GDI2: variants seen among roughly 807,000 people sequenced by gnomAD.
GDI2 encodes the protein rab GDP dissociation inhibitor beta.
Under a neutral mutation model 54.2 loss-of-function variants are expected in GDI2, and 22 were observed. That is an observed-to-expected ratio of 0.41 (90% CI 0.29 to 0.58). GDI2 has a LOEUF of 0.58. Ranked by LOEUF, GDI2 falls within the 20% of genes least tolerant of loss-of-function variation. GDI2 has a pLI of 0.35. For synonymous variants in GDI2, 177 were observed against 182.1 expected (o/e 0.97, Z 0.23); for missense variants, 422 against 546.0 (o/e 0.77, Z 2.26).
Position 5,774,859 on chromosome 10 carries a change from A to T in GDI2, c.720-918T>A, listed in dbSNP as rs1200723605. On this transcript the variant is annotated intron_variant, in intron 6 of 10. Transcript: ENST00000380191. This position sits in a 1 kb window ranked among gnomAD's most constrained non-coding sequence, Gnocchi z 4.8. ...CGCGGGACTATCCACATCAGAGGCA[A>T]ATCTGCCATTTCTCTGGATTCACAC... Among the ~76,000 whole-genome samples the T allele has an allele frequency of 1.3e-5, 2 of 152,172 alleles. No homozygotes were observed. The highest frequency in any genetic ancestry group is 2.9e-5 in the Non-Finnish European group (2 of 68,028).
intron 6 of GDI2, among the ~76,000 whole-genome samples, chr10:5,782,440 C>T (rs1455544602): frequency 6.6e-6 from 1 of 152,198 alleles, no homozygotes; most frequent in Non-Finnish European, 1.5e-5. Flanking sequence ...CTTCTATCTG[C>T]CACATTAGTC....
intron 1 of GDI2, among the ~76,000 whole-genome samples, chr10:5,807,760 T>C (rs1325572149): frequency 2.6e-5 from 4 of 152,216 alleles, no homozygotes; most frequent in African/African-American, 9.6e-5. Context: ...TGACGTTCTC[T>C]TCCTTCAGCA....
At chr10:5,804,738 T>G (rs994166184) in intron 1 of GDI2, among the ~76,000 whole-genome samples, 14 of 152,298 alleles carry the variant, frequency 9.2e-5, no homozygotes, top group African/African-American at 3.4e-4. Flanking sequence ...ATGTACATAC[T>G]GTTTATGGCT....
chr10:5,779,774 G>C (rs1840710847), intron 6 of GDI2, among the ~76,000 whole-genome samples: 1 of 150,750 alleles, frequency 6.6e-6, no homozygotes, highest in Non-Finnish European at 1.5e-5. Flanking sequence ...GCTCACTGCA[G>C]TCTCAACCTC....
chr10:5,794,253 A>G (rs1415764897), intron 4 of GDI2, among the ~76,000 whole-genome samples: 1 of 141,222 alleles, frequency 7.1e-6, no homozygotes, highest in African/African-American at 2.6e-5. Context: ...AGGAGTTCCT[A>G]AAATCAAAGA....
rs753920936 is a variant in GDI2 at position 5,766,338 on chromosome 10, C to T, written c.1137-43G>A. The T allele has an allele frequency of 3.2e-6, 5 of 1,543,078 alleles. No homozygotes were observed. Among genetic ancestry groups the T allele is most frequent in the Non-Finnish European group, 4.5e-6 (5 of 1,115,216 alleles). On this transcript the variant is annotated intron_variant, in intron 9 of 10. Coordinates refer to ENST00000380191, the MANE Select transcript of GDI2 (RefSeq NM_001494.4). The surrounding 1 kb of genome is among the most constrained non-coding windows in gnomAD (Gnocchi z 5.8). ...TCAGTCAGGTGAGCTGGTCCCACACCTGACCATGGCTCTGCCTGAGGTCAA... is the reference window on the plus strand; with the variant it reads ...TCAGTCAGGTGAGCTGGTCCCACACTTGACCATGGCTCTGCCTGAGGTCAA...
At chr10:5,786,849 A>ATGC (rs1275609581) in intron 4 of GDI2, among the ~76,000 whole-genome samples, 5 of 152,240 alleles carry the variant, frequency 3.3e-5, no homozygotes, top group Non-Finnish European at 7.3e-5. Context: ...TAAAATTTCG[A>ATGC]TGCTGCTGCT....
chr10:5,782,367 G>A lies in GDI2; in HGVS notation c.719+2775C>T, dbSNP rs141891259. Among the ~76,000 whole-genome samples the A allele has an allele frequency of 1.1e-3, 164 of 152,284 alleles. 3 individuals carry two copies. The East Asian group carries it at 0.023, about 21-fold the overall frequency. On this transcript the variant is annotated intron_variant, in intron 6 of 10. Coordinates refer to ENST00000380191, the MANE Select transcript of GDI2 (RefSeq NM_001494.4). The stretch of plus-strand genomic sequence containing the variant: ...GCAACGAGAACTCTCATACACTGCT[G>A]AGTGTATACACAATGACACAACCAC...
intron 2 of GDI2, 85 bp downstream of exon 2, chr10:5,800,513 G>T: frequency 2.6e-6 from 2 of 767,032 alleles, no homozygotes; most frequent in South Asian, 2.8e-5. Flanking sequence ...ACAAAATTAA[G>T]ACCATCTCTA....
intron 3 of GDI2, 60 bp downstream of exon 3, chr10:5,796,703 G>C (rs898514343): frequency 1.2e-6 from 1 of 858,550 alleles, no homozygotes; most frequent in Non-Finnish European, 2.0e-6. Context: ...TCAAAAGTTA[G>C]TTTTGATATT....
chr10:5,798,788 CAAG>C (rs1372034262), intron 2 of GDI2, among the ~76,000 whole-genome samples: 5 of 151,912 alleles, frequency 3.3e-5, no homozygotes, highest in Middle Eastern at 3.4e-3. Flanking sequence ...GCATGGCCAA[CAAG>C]AAGAAATCCC....
intron 1 of GDI2, among the ~76,000 whole-genome samples, chr10:5,807,876 T>C (rs188008417): frequency 1.3e-5 from 2 of 152,344 alleles, no homozygotes; most frequent in East Asian, 3.9e-4. Flanking sequence ...ATGAAATTTC[T>C]ATATATGAAT....
rs758102346 is a variant in GDI2 at position 5,794,990 on chromosome 10, C to T, written c.283G>A (p.Glu95Lys). The stretch of plus-strand genomic sequence containing the variant: ...TTAAAATCCAGATAGCGAGTTACCT[C>T]TGTATAAAGCAGCATCTTAACCAGC... The part of the protein sequence containing the change: ...GQLVKMLLYT[E>K]VTRYLDFKVT... The change falls in exon 4 of 11, where the codon GAG (glutamate) becomes AAG (lysine). Residue 95 changes from glutamate to lysine, a missense_variant. By Grantham distance (56) the Glu-to-Lys change is moderately conservative. Transcript: ENST00000380191. 1 of 1,591,554 alleles carries T rather than the reference C, an allele frequency of 6.3e-7. No homozygotes were observed. The highest frequency in any genetic ancestry group is 8.6e-7 in the Non-Finnish European group (1 of 1,159,510).
In GDI2 at chr10:5,773,944, G is replaced by GC. The variant is rs1840557176; in HGVS notation, c.720-4_720-3insG. On this transcript the variant is annotated splice_polypyrimidine_tract_variant and splice_region_variant and intron_variant, in intron 6 of 10. Coordinates refer to ENST00000380191, the MANE Select transcript of GDI2 (RefSeq NM_001494.4). ...TACCTCCATAAATAGCACTTAGCCT[G>GC]GAAAATTTTTAAAATCCCAATTAAT... The GC allele has an allele frequency of 7.3e-7, 1 of 1,365,536 alleles. No individual in the cohort carries two copies. The highest frequency in any genetic ancestry group is 2.3e-5 in the East Asian group (1 of 43,498). 84.6% of individuals were successfully genotyped at this position (1,365,536 alleles called of 1,614,324 possible).
intron 8 of GDI2, among the ~76,000 whole-genome samples, chr10:5,767,730 C>T (rs964965388): frequency 2.6e-5 from 4 of 152,054 alleles, no homozygotes; most frequent in African/African-American, 7.2e-5. Context: ...ATGGGAACAT[C>T]GAAGGGTTAC....
At chr10:5,801,254 A>G (rs1841264328) in intron 1 of GDI2, among the ~76,000 whole-genome samples, 1 of 152,196 alleles carries the variant, frequency 6.6e-6, no homozygotes, top group African/African-American at 2.4e-5. Context: ...TGCCCAGCCT[A>G]GTCACCTTTT....
At chr10:5,767,125 C>T (rs1435581896) in intron 8 of GDI2, among the ~76,000 whole-genome samples, 3 of 152,032 alleles carry the variant, frequency 2.0e-5, no homozygotes, top group Non-Finnish European at 4.4e-5. Flanking sequence ...GGTCTGTATA[C>T]CACTCATCCA....
intron 1 of GDI2, among the ~76,000 whole-genome samples, chr10:5,801,048 T>C (rs996382950): frequency 6.6e-6 from 1 of 152,096 alleles, no homozygotes; most frequent in Non-Finnish European, 1.5e-5. Flanking sequence ...CCTCCAAGGA[T>C]TCAAGCAGTT....
chr10:5,809,594 T>C (rs1343746345), intron 1 of GDI2, among the ~76,000 whole-genome samples: 1 of 152,242 alleles, frequency 6.6e-6, no homozygotes, highest in Non-Finnish European at 1.5e-5. Context: ...CTTAGGGGAC[T>C]TAATGCTTTC....
Sources: allele counts gnomAD v4.1 joint callset (sites outside exome capture counted in the v4.1 genomes callset), GRCh38; gene constraint gnomAD v4.1.1; non-coding constraint Gnocchi (gnomAD v3.1); transcripts MANE v1.5; gene names NCBI Gene and HGNC (gene_info 2026-07-23, HGNC 2026-07-21).